Variants in RNF212B observed in about 807,000 individuals in gnomAD.
The protein encoded by RNF212B is ring finger protein 212B.
In RNF212B, 52 loss-of-function variants were observed where a neutral mutation model predicts 55.5. The observed-to-expected ratio is 0.94, with a 90% CI of 0.75 to 1.18. The LOEUF (loss-of-function observed/expected upper bound fraction) is 1.18. RNF212B is among the 50% of genes most tolerant of loss of function. RNF212B has a pLI of 0.00. For missense variants in RNF212B, 289 were observed against 350.4 expected (o/e 0.82, Z 1.40); for synonymous variants, 99 against 121.4 (o/e 0.82, Z 1.21).
At chr14:23,229,262 A>ATATATATG (rs1882343233) in intron 2 of RNF212B, among the ~76,000 whole-genome samples, 1 of 116,148 alleles carries the variant, frequency 8.6e-6, no homozygotes. Context: ...ATATATATAT[A>ATATATATG]CCACATTGTT....
At chr14:23,229,827 A>G (rs749902085) in intron 2 of RNF212B, 2 of 152,460 alleles carry the variant, frequency 1.3e-5, no homozygotes, top group Non-Finnish European at 2.9e-5. Context: ...CAGCAAATAA[A>G]GAAACAGAAA....
intron 4 of RNF212B, among the ~76,000 whole-genome samples, chr14:23,251,214 A>G (rs1884377120): frequency 6.6e-6 from 1 of 151,968 alleles, no homozygotes; most frequent in Non-Finnish European, 1.5e-5. Context: ...GTTTTCTGAT[A>G]CCAACCAGTT....
At chr14:23,246,340 G>T (rs930408660) in intron 4 of RNF212B, among the ~76,000 whole-genome samples, 2 of 152,020 alleles carry the variant, frequency 1.3e-5, no homozygotes, top group African/African-American at 2.4e-5. Flanking sequence ...ATTTATGAAA[G>T]AATTAATGAA....
In RNF212B at chr14:23,241,711, A is replaced by AT. The variant is rs1366285119; in HGVS notation, c.100+1273dup. 2.0e-5 allele frequency among the ~76,000 whole-genome samples: 3 copies of AT among 151,606 alleles called. No individual in the cohort carries two copies. In the East Asian group the frequency reaches 5.8e-4, roughly 29 times the overall value. On this transcript the variant is annotated intron_variant, in intron 2 of 14. Coordinates refer to ENST00000430154, the MANE Select transcript of RNF212B (RefSeq NM_001282322.3). ...AGTGCTGGGATTACAGGTGTAAGCC[A>AT]TTTTTTTGTTTTGTTTTGTTTTAAG...
intron 2 of RNF212B, among the ~76,000 whole-genome samples, 173 bp downstream of exon 2, chr14:23,240,618 A>G: frequency 6.6e-6 from 1 of 152,228 alleles, no homozygotes; most frequent in Admixed American, 6.5e-5. Context: ...TTAATAAAGA[A>G]TGGTCCTAAA....
chr14:23,234,304 G>T (rs1882946380), upstream of RNF212B, among the ~76,000 whole-genome samples: 1 of 151,578 alleles, frequency 6.6e-6, no homozygotes, highest in Admixed American at 6.6e-5. Context: ...TTTCGTGTGT[G>T]TGTGTGTGTG....
chr14:23,253,075 A>AC (rs1269437673), intron 4 of RNF212B, among the ~76,000 whole-genome samples: 12 of 151,934 alleles, frequency 7.9e-5, no homozygotes, highest in Admixed American at 3.3e-4. Context: ...ACCTCTTGCC[A>AC]CCCCCACCCA....
chr14:23,267,228 T>C (rs1195840277), intron 11 of RNF212B, among the ~76,000 whole-genome samples: 1 of 152,222 alleles, frequency 6.6e-6, no homozygotes, highest in East Asian at 1.9e-4. Flanking sequence ...GCAATCCTCC[T>C]GCCTCAGCTC....
intron 2 of RNF212B, among the ~76,000 whole-genome samples, chr14:23,231,322 T>C (rs2140420180): frequency 6.6e-6 from 1 of 152,300 alleles, no homozygotes; most frequent in African/African-American, 2.4e-5. Flanking sequence ...GGAATTATTT[T>C]CTCTGGGCAA....
intron 2 of RNF212B, among the ~76,000 whole-genome samples, chr14:23,215,277 C>T (rs530284841): frequency 6.6e-6 from 1 of 152,258 alleles, no homozygotes; most frequent in South Asian, 2.1e-4. Flanking sequence ...CCTCCCTAGC[C>T]GTGCAGAACT....
chr14:23,226,165 G>A (rs1438841999), intron 2 of RNF212B, among the ~76,000 whole-genome samples: 5 of 151,376 alleles, frequency 3.3e-5, no homozygotes, highest in Non-Finnish European at 4.4e-5. Context: ...GGGTGTGGTG[G>A]CGGGTGCCTG....
At chr14:23,215,966 C>G (rs1186843919) in intron 2 of RNF212B, among the ~76,000 whole-genome samples, 1 of 152,158 alleles carries the variant, frequency 6.6e-6, no homozygotes, top group African/African-American at 2.4e-5. Flanking sequence ...AAAACATTTG[C>G]CGGGTGTGGT....
At chr14:23,269,028 G>C in intron 12 of RNF212B, 65 bp downstream of exon 12, 1 of 1,377,524 alleles carries the variant, frequency 7.3e-7, no homozygotes, top group Non-Finnish European at 1.0e-6. Context: ...CAGCAGGCTG[G>C]GTGCGGTGGC....
At chr14:23,272,469 T>C (rs775756013) in intron 14 of RNF212B, 91 of 251,050 alleles carry the variant, frequency 3.6e-4, no homozygotes, top group Non-Finnish European at 6.2e-4. Flanking sequence ...TGTGAAAAAA[T>C]TTTAAAGTTA....
intron 4 of RNF212B, among the ~76,000 whole-genome samples, chr14:23,255,488 A>C (rs528056534): frequency 1.3e-5 from 2 of 152,322 alleles, no homozygotes; most frequent in Admixed American, 6.5e-5. Context: ...TGTTCCAATA[A>C]AACAAACAAT....
intron 11 of RNF212B, among the ~76,000 whole-genome samples, chr14:23,266,912 T>C (rs1298750524): frequency 6.6e-6 from 1 of 152,220 alleles, no homozygotes; most frequent in Admixed American, 6.5e-5. Flanking sequence ...AGTTGTTCTG[T>C]CTGTTATTGA....
At chr14:23,266,431 G>A (rs12895279) in intron 11 of RNF212B, among the ~76,000 whole-genome samples, 2 of 43,814 alleles carry the variant, frequency 4.6e-5, no homozygotes, top group African/African-American at 3.4e-4. Flanking sequence ...TTTTTTTTGA[G>A]ATGGTGTTTC....
chr14:23,244,632 T>C (rs1883857910), intron 4 of RNF212B, among the ~76,000 whole-genome samples: 1 of 152,238 alleles, frequency 6.6e-6, no homozygotes, highest in South Asian at 2.1e-4. Flanking sequence ...TTGTATTTCC[T>C]AGTTGTATTA....
At chr14:23,202,669 G>C (rs895926695) in intron 2 of RNF212B, among the ~76,000 whole-genome samples, 2 of 152,118 alleles carry the variant, frequency 1.3e-5, no homozygotes, top group Non-Finnish European at 2.9e-5. Context: ...GGCTTACACG[G>C]TGAAACCCTG....
Sources: allele counts gnomAD v4.1 joint callset (sites outside exome capture counted in the v4.1 genomes callset), GRCh38; gene constraint gnomAD v4.1.1; transcripts MANE v1.5; gene names NCBI Gene and HGNC (gene_info 2026-07-23, HGNC 2026-07-21).